The following CAMK1D variants were observed in gnomAD, a reference collection of about 807,000 sequenced individuals.
The protein encoded by CAMK1D is calcium/calmodulin-dependent protein kinase type 1D.
Under a neutral mutation model 47.7 loss-of-function variants are expected in CAMK1D, and 9 were observed. That is an observed-to-expected ratio of 0.19 (90% CI 0.11 to 0.33). The LOEUF (loss-of-function observed/expected upper bound fraction) is 0.33, where lower values mean the gene tolerates loss of function less well. CAMK1D is among the 10% of genes least tolerant of loss of function. The pLI, the probability that CAMK1D is intolerant of heterozygous loss-of-function variation, is 1.00. For missense variants in CAMK1D, 291 were observed against 488.7 expected, an observed-to-expected ratio of 0.60 and a Z score of 3.81; for synonymous variants, 184 against 184.9, an observed-to-expected ratio of 0.99 and a Z score of 0.04.
At chr10:12,783,701 T>A (rs1837599088) in intron 5 of CAMK1D, among the ~76,000 whole-genome samples, 2 of 152,232 alleles carry the variant, frequency 1.3e-5, no homozygotes, top group African/African-American at 2.4e-5. Context: ...TTTAATTGTT[T>A]TAAAAACAAG....
At chr10:12,534,168 GTCTA>G (rs3995719) in intron 1 of CAMK1D, among the ~76,000 whole-genome samples, 8,049 of 151,374 alleles carry the variant, frequency 0.053, 276 homozygotes, top group Admixed American at 0.12. Flanking sequence ...CTATCTATCT[GTCTA>G]TCTATCTATC....
intron 2 of CAMK1D, among the ~76,000 whole-genome samples, chr10:12,557,564 AAAAAAAG>A (rs1564410448): frequency 2.0e-5 from 3 of 151,558 alleles, no homozygotes; most frequent in African/African-American, 4.9e-5. Flanking sequence ...AAAAAAAAAA[AAAAAAAG>A]AAAAAAGAAA....
intron 5 of CAMK1D, among the ~76,000 whole-genome samples, chr10:12,776,898 C>T (rs1837272262): frequency 6.6e-6 from 1 of 152,286 alleles, no homozygotes; most frequent in Non-Finnish European, 1.5e-5. Flanking sequence ...GAAGAAGGAG[C>T]ACCACCTCAT....
At chr10:12,557,875 A>C (rs1017779421) in intron 2 of CAMK1D, among the ~76,000 whole-genome samples, 2 of 152,204 alleles carry the variant, frequency 1.3e-5, no homozygotes, top group Non-Finnish European at 1.5e-5. Flanking sequence ...AGGCTGAGAA[A>C]TTTATTTATT....
chr10:12,694,208 G>GCATAATATATATTATATATTA (rs1833116737), intron 3 of CAMK1D, among the ~76,000 whole-genome samples: 2 of 18,164 alleles, frequency 1.1e-4, no homozygotes, highest in African/African-American at 5.1e-4. Flanking sequence ...TATATATTAT[G>GCATAATATATATTATATATTA]TATAATATAA....
chr10:12,785,528 A>T (rs760294470), intron 5 of CAMK1D, among the ~76,000 whole-genome samples: 1 of 152,188 alleles, frequency 6.6e-6, no homozygotes, highest in Non-Finnish European at 1.5e-5. Context: ...ATCTCCAGGC[A>T]GCACTGGCCA....
chr10:12,429,582 C>T (rs1434899132), intron 1 of CAMK1D, among the ~76,000 whole-genome samples: 1 of 152,102 alleles, frequency 6.6e-6, no homozygotes, highest in African/African-American at 2.4e-5. Flanking sequence ...TCAGGTGATC[C>T]ACTCACCTCA....
chr10:12,620,946 G>A (rs1370550164), intron 2 of CAMK1D, among the ~76,000 whole-genome samples: 1 of 152,152 alleles, frequency 6.6e-6, no homozygotes, highest in African/African-American at 2.4e-5. Context: ...TTTTGTATAA[G>A]GGGTGAGATT....
chr10:12,374,076 A>G (rs1450381476), intron 1 of CAMK1D, among the ~76,000 whole-genome samples: 2 of 151,404 alleles, frequency 1.3e-5, no homozygotes, highest in African/African-American at 2.4e-5. Context: ...CCTGACCAAC[A>G]TGGTGAAACC....
intron 3 of CAMK1D, among the ~76,000 whole-genome samples, chr10:12,673,577 T>G (rs1840700058): frequency 6.6e-6 from 1 of 152,202 alleles, no homozygotes; most frequent in Non-Finnish European, 1.5e-5. Context: ...CGTCTGAAAT[T>G]TACATTAATT....
At chr10:12,358,088 G>C (rs1837566483) in intron 1 of CAMK1D, among the ~76,000 whole-genome samples, 1 of 152,134 alleles carries the variant, frequency 6.6e-6, no homozygotes, top group Non-Finnish European at 1.5e-5. Flanking sequence ...AGCCTGGAGT[G>C]CTGGCTCACA....
chr10:12,584,546 G>C (rs1042909774), intron 2 of CAMK1D, among the ~76,000 whole-genome samples: 1 of 152,102 alleles, frequency 6.6e-6, no homozygotes, highest in Admixed American at 6.5e-5. Flanking sequence ...TAGGCTGGGC[G>C]TGGTGGCTCT....
intron 1 of CAMK1D, among the ~76,000 whole-genome samples, chr10:12,373,241 A>C (rs1483627063): frequency 3.3e-5 from 5 of 151,976 alleles, no homozygotes; most frequent in Admixed American, 1.3e-4. Context: ...TGAGCCCAGG[A>C]AGTTGAGGCT....
chr10:12,738,606 G>A (rs903399152), intron 3 of CAMK1D, among the ~76,000 whole-genome samples: 9 of 152,118 alleles, frequency 5.9e-5, no homozygotes, highest in African/African-American at 1.9e-4. Context: ...GCTGAGGCGG[G>A]CGTATCACGA....
chr10:12,492,347 CAA>C lies in CAMK1D; in HGVS notation c.93-60861_93-60860del, dbSNP rs71384332. On this transcript the variant is annotated intron_variant, in intron 1 of 10. Coordinates refer to ENST00000619168, the MANE Select transcript of CAMK1D (RefSeq NM_153498.4). ...AGGAAACTGGAGTAACACCTCATCTCAAAAAAAAAAAAAAAAAAGAAAAGACT... is the reference window on the plus strand; with the variant it reads ...AGGAAACTGGAGTAACACCTCATCTCAAAAAAAAAAAAAAAAGAAAAGACT... Among the ~76,000 whole-genome samples the C allele has an allele frequency of 1.6e-3, 179 of 110,368 alleles. 1 individual carries two copies. Among genetic ancestry groups the C allele is most frequent in the African/African-American group, 3.9e-3 (107 of 27,752 alleles). The allele number at this position is 110,368 out of a possible 152,430, so 72.4% of individuals were successfully genotyped here. A position where few individuals can be genotyped will look rare whatever the true frequency, so the allele number is the denominator to read the frequency against.
Position 12,631,896 on chromosome 10 carries a change from A to G in CAMK1D, c.225-34840A>G, listed in dbSNP as rs570595358. ...AAAGTTTCTCCAGGAGGCTGCAAAC[A>G]CATGAGAGCAGACCGTGTTTCTGTC... On this transcript the variant is annotated intron_variant, in intron 2 of 10. Transcript: ENST00000619168. 3.3e-5 allele frequency among the ~76,000 whole-genome samples: 5 copies of G among 152,326 alleles called. No individual in the cohort carries two copies. The South Asian group carries it at 8.3e-4, about 25-fold the overall frequency.
intron 2 of CAMK1D, among the ~76,000 whole-genome samples, chr10:12,579,886 G>A (rs147194443): frequency 2.1e-3 from 324 of 152,230 alleles, no homozygotes; most frequent in Admixed American, 4.4e-3. Flanking sequence ...GGAGATTCAC[G>A]GAGTGGCTTT....
intron 1 of CAMK1D, among the ~76,000 whole-genome samples, chr10:12,510,265 A>C (rs1033518574): frequency 1.1e-4 from 16 of 152,106 alleles, no homozygotes; most frequent in African/African-American, 3.9e-4. Context: ...AAAATACAAA[A>C]ATTAGCTGGG....
At chr10:12,689,993 C>T (rs745349732) in intron 3 of CAMK1D, among the ~76,000 whole-genome samples, 3 of 152,104 alleles carry the variant, frequency 2.0e-5, no homozygotes, top group South Asian at 2.1e-4. Context: ...CAGAGATTGT[C>T]GGTGCTGGCA....
Sources: gnomAD v4.1 joint callset for allele counts (sites outside exome capture counted in the v4.1 genomes callset) on GRCh38, gnomAD v4.1.1 for gene constraint, MANE v1.5 for transcripts, NCBI Gene and HGNC (gene_info 2026-07-23, HGNC 2026-07-21) for gene names.